The following PRKAR2B variants were observed in gnomAD, a reference collection of about 807,000 sequenced individuals.
PRKAR2B encodes the protein protein kinase cAMP-dependent type II regulatory subunit beta.
In PRKAR2B, 14 loss-of-function variants were observed where a neutral mutation model predicts 49.9. That is an observed-to-expected ratio of 0.28 (90% CI 0.19 to 0.44). The LOEUF (loss-of-function observed/expected upper bound fraction) is 0.44, where lower values mean the gene tolerates loss of function less well. Ranked by LOEUF, PRKAR2B falls within the 20% of genes least tolerant of loss-of-function variation. The probability of loss-of-function intolerance (pLI) is 1.00; values close to 1 mark genes in which losing one functional copy is unlikely to be tolerated. For synonymous variants in PRKAR2B, 196 were observed against 197.7 expected (o/e 0.99, Z 0.07); for missense variants, 393 against 537.9 (o/e 0.73, Z 2.67).
chr7:107,104,311 AG>A (rs1562858322), intron 2 of PRKAR2B, among the ~76,000 whole-genome samples: 1 of 152,222 alleles, frequency 6.6e-6, no homozygotes, highest in Non-Finnish European at 1.5e-5. Context: ...CTGGGATTAC[AG>A]GCATGAGCCA....
At chr7:107,115,094 G>T (rs1190856149) in intron 2 of PRKAR2B, among the ~76,000 whole-genome samples, 7 of 152,104 alleles carry the variant, frequency 4.6e-5, no homozygotes, top group South Asian at 4.1e-4. Context: ...GTAATTACAT[G>T]TCTGGGATGG....
At chr7:107,108,895 A>G (rs939692425) in intron 2 of PRKAR2B, among the ~76,000 whole-genome samples, 1 of 152,194 alleles carries the variant, frequency 6.6e-6, no homozygotes, top group Non-Finnish European at 1.5e-5. Context: ...TCAGGAAACA[A>G]TTCAAGAAAA....
chr7:107,054,982 G>A (rs1053883358), intron 1 of PRKAR2B, among the ~76,000 whole-genome samples: 1 of 151,874 alleles, frequency 6.6e-6, no homozygotes, highest in Non-Finnish European at 1.5e-5. Flanking sequence ...CCCACAACAG[G>A]CCCCAGTGTG....
chr7:107,113,918 A>G (rs1484079959), intron 2 of PRKAR2B, among the ~76,000 whole-genome samples: 1 of 152,152 alleles, frequency 6.6e-6, no homozygotes, highest in Non-Finnish European at 1.5e-5. Context: ...TGATGTATGA[A>G]CAGTAGAATT....
intron 4 of PRKAR2B, among the ~76,000 whole-genome samples, chr7:107,129,331 T>C (rs950057677): frequency 1.3e-5 from 2 of 152,182 alleles, no homozygotes; most frequent in African/African-American, 4.8e-5. Context: ...CGAGTTTGTA[T>C]GTCCATCTCT....
At position 107,085,067 on chromosome 7, in the gene PRKAR2B, A is replaced by G. The variant is rs1226634281; in HGVS notation, c.343+14751A>G. Among the ~76,000 whole-genome samples the G allele has an allele frequency of 1.3e-4, 20 of 152,294 alleles. 1 individual carries two copies. Among genetic ancestry groups the G allele is most frequent in the Admixed American group, 1.1e-3 (17 of 15,294 alleles). ...TTAAATATCATATTCCTTTGTAATT[A>G]TGGATCCTATGAAAAATAAAAGATC... On this transcript the variant is annotated intron_variant, in intron 2 of 10. Transcript: ENST00000265717.
intron 1 of PRKAR2B, among the ~76,000 whole-genome samples, chr7:107,063,317 C>A (rs1226726339): frequency 6.6e-6 from 1 of 152,114 alleles, no homozygotes; most frequent in African/African-American, 2.4e-5. Context: ...TAGGTGCCAC[C>A]CCTATTATAT....
chr7:107,151,554 C>T (rs1052159040), intron 7 of PRKAR2B, among the ~76,000 whole-genome samples: 2 of 152,182 alleles, frequency 1.3e-5, no homozygotes, highest in African/African-American at 2.4e-5. Context: ...GGTTACCTTA[C>T]GAATAAACCC....
chr7:107,134,476 T>C lies in PRKAR2B; in HGVS notation c.480+6181T>C, dbSNP rs546579192. Among the ~76,000 whole-genome samples the C allele has an allele frequency of 1.7e-3, 266 of 152,358 alleles. 1 individual carries two copies. The highest frequency in any genetic ancestry group is 6.0e-3 in the African/African-American group (251 of 41,580). On this transcript the variant is annotated intron_variant, in intron 4 of 10. Transcript: ENST00000265717. Reference sequence around the variant, plus strand: ...AAGCTAAATCATGATAACACATTAATGTTTTGCTGTTGCCACTATGTTATA... The same window carrying C: ...AAGCTAAATCATGATAACACATTAACGTTTTGCTGTTGCCACTATGTTATA...
chr7:107,078,817 T>C (rs1794457844), intron 2 of PRKAR2B, among the ~76,000 whole-genome samples: 1 of 152,160 alleles, frequency 6.6e-6, no homozygotes, highest in Non-Finnish European at 1.5e-5. Flanking sequence ...TTGAACTTAA[T>C]TGCATTTTCC....
chr7:107,155,754 G>A (rs967646771), intron 8 of PRKAR2B, among the ~76,000 whole-genome samples: 1 of 148,498 alleles, frequency 6.7e-6, no homozygotes, highest in African/African-American at 2.4e-5. Flanking sequence ...ACCCATTACT[G>A]GGTATATACC....
intron 1 of PRKAR2B, among the ~76,000 whole-genome samples, chr7:107,065,519 A>C (rs1443968385): frequency 6.6e-6 from 1 of 152,090 alleles, no homozygotes; most frequent in African/African-American, 2.4e-5. Flanking sequence ...TTAGTCTTCT[A>C]CTGGATTTCT....
chr7:107,071,489 T>C (rs1192033309), intron 2 of PRKAR2B, among the ~76,000 whole-genome samples: 2 of 152,182 alleles, frequency 1.3e-5, no homozygotes, highest in African/African-American at 4.8e-5. Context: ...ATGCCTTTTG[T>C]GGAATGAGAC....
intron 7 of PRKAR2B, among the ~76,000 whole-genome samples, chr7:107,151,876 T>C (rs1283448741): frequency 6.6e-6 from 1 of 152,212 alleles, no homozygotes; most frequent in Admixed American, 6.5e-5. Flanking sequence ...GAAAAATCAT[T>C]AATCAAGCCA....
chr7:107,104,705 A>G (rs193264788), intron 2 of PRKAR2B, among the ~76,000 whole-genome samples: 4 of 152,348 alleles, frequency 2.6e-5, no homozygotes, highest in Admixed American at 2.6e-4. Context: ...CAGTCCAGGT[A>G]AACTGAAATG....
intron 4 of PRKAR2B, 117 bp from the exon 5 acceptor site, chr7:107,140,730 G>T: frequency 3.2e-6 from 2 of 625,234 alleles, no homozygotes; most frequent in South Asian, 2.3e-5. Context: ...AACATTTAGT[G>T]GTAGTTATGA....
At chr7:107,050,062 T>C (rs1793772377) in intron 1 of PRKAR2B, among the ~76,000 whole-genome samples, 1 of 152,144 alleles carries the variant, frequency 6.6e-6, no homozygotes, top group Admixed American at 6.5e-5. Context: ...GGGGTTGAAA[T>C]TGGGAAACCA....
chr7:107,140,252 A>G (rs1316098382), intron 4 of PRKAR2B, among the ~76,000 whole-genome samples: 13 of 152,222 alleles, frequency 8.5e-5, no homozygotes, highest in Admixed American at 8.5e-4. Context: ...AATCTGCCCT[A>G]GTGAGCTCAG....
chr7:107,080,152 C>A (rs1006387721), intron 2 of PRKAR2B, among the ~76,000 whole-genome samples: 1 of 151,880 alleles, frequency 6.6e-6, no homozygotes, highest in Non-Finnish European at 1.5e-5. Context: ...ATCTGTATGC[C>A]GTGGCTCTCG....
Sources: gnomAD v4.1 joint callset for allele counts (sites outside exome capture counted in the v4.1 genomes callset) on GRCh38, gnomAD v4.1.1 for gene constraint, MANE v1.5 for transcripts, NCBI Gene and HGNC (gene_info 2026-07-23, HGNC 2026-07-21) for gene names.